The following APOL2 variants were observed in gnomAD, a reference collection of about 807,000 sequenced individuals.
APOL2 encodes apolipoprotein L2.
APOL2 carries 8 observed loss-of-function variants against 7.1 expected under a neutral mutation model. The ratio of observed to expected loss-of-function variants is 1.12; its 90% CI spans 0.66 to 2.03. APOL2 has a LOEUF of 2.03. APOL2 is among the 30% of genes most tolerant of loss of function. The probability of loss-of-function intolerance (pLI) is 0.00; values close to 1 mark genes in which losing one functional copy is unlikely to be tolerated. For missense variants in APOL2, 471 were observed against 415.1 expected (o/e 1.13, Z -1.17); for synonymous variants, 177 against 159.9 (o/e 1.11, Z -0.81).
At position 36,228,373 on chromosome 22, in the gene APOL2, C is replaced by A. The variant is rs10854687; in HGVS notation, c.138-93G>T. On this transcript the variant is annotated intron_variant, in intron 4 of 4. Coordinates refer to ENST00000358502, the MANE Select transcript of APOL2 (RefSeq NM_030882.4). ...TCTCTATCCTGTGTAAATTGCAGAGCTTTCACTATCAATCAAATAGAAACA... is the reference window on the plus strand; with the variant it reads ...TCTCTATCCTGTGTAAATTGCAGAGATTTCACTATCAATCAAATAGAAACA... 22,851 of 1,466,752 alleles carry A rather than the reference C, an allele frequency of 0.016. 3,322 individuals are homozygous for A. In the African/African-American group the frequency reaches 0.3, roughly 19 times the overall value. 90.9% of individuals were successfully genotyped at this position (1,466,752 alleles called of 1,614,324 possible).
chr22:36,226,667 G>GGT lies in APOL2; in HGVS notation c.*736_*737insAC, dbSNP rs749293221. The stretch of plus-strand genomic sequence containing the variant: ...TCTTGGAAGGACATCAAACCTGGGG[G>GGT]GGGGTCGGTAGTGGAGCTGCTGTTT... On this transcript the variant is annotated 3_prime_UTR_variant, in exon 5 of 5. Transcript: ENST00000358502. The GGT allele has an allele frequency of 3.9e-5, 6 of 152,014 alleles. 1 individual carries two copies. 9.4% of individuals were successfully genotyped at this position (152,014 alleles called of 1,614,324 possible).
chr22:36,235,805 T>G lies in APOL2; in HGVS notation c.-133-2350A>C, dbSNP rs374832391. 1.2e-4 allele frequency among the ~76,000 whole-genome samples: 18 copies of G among 146,980 alleles called. No individual in the cohort carries two copies. In the East Asian group the frequency reaches 3.2e-3, roughly 26 times the overall value. On this transcript the variant is annotated intron_variant, in intron 1 of 4. Coordinates refer to ENST00000358502, the MANE Select transcript of APOL2 (RefSeq NM_030882.4). ...TGTGTGTGTATGTGTTGTGCATCCA[T>G]GGAGGGCAGGTGGGGATAACCAAGA...
intron 1 of APOL2, chr22:36,237,441 C>A: frequency 9.1e-7 from 1 of 1,098,702 alleles, no homozygotes. Flanking sequence ...AACTGTCTTG[C>A]TCTGTCACCC....
At chr22:36,239,641 C>A, upstream of APOL2, 1 of 751,470 alleles carries the variant, frequency 1.3e-6, no homozygotes, top group Non-Finnish European at 2.2e-6. Flanking sequence ...TGCTCCCCAG[C>A]ACCACCTGCA....
At chr22:36,233,574 C>T (rs1015711769) in intron 1 of APOL2, 119 bp from the exon 2 acceptor site, 3 of 922,432 alleles carry the variant, frequency 3.3e-6, no homozygotes, top group Non-Finnish European at 5.0e-6. Context: ...ATGACCTGGG[C>T]CTGGGAACAT....
intron 4 of APOL2, among the ~76,000 whole-genome samples, chr22:36,229,541 T>C (rs2015145215): frequency 6.6e-6 from 1 of 152,224 alleles, no homozygotes; most frequent in Non-Finnish European, 1.5e-5. Context: ...CCTCCCAGAC[T>C]CTGCCCTGTG....
At chr22:36,233,662 G>A (rs148551437) in intron 1 of APOL2, among the ~76,000 whole-genome samples, 65 of 152,262 alleles carry the variant, frequency 4.3e-4, no homozygotes, top group African/African-American at 1.5e-3. Flanking sequence ...TATCTCATTC[G>A]ATGATCACAC....
chr22:36,229,810 A>G (rs1331926963), intron 4 of APOL2, among the ~76,000 whole-genome samples: 1 of 152,262 alleles, frequency 6.6e-6, no homozygotes, highest in Non-Finnish European at 1.5e-5. Context: ...TTTGCCTGGC[A>G]TCTGCTCCCT....
Position 36,228,187 on chromosome 22 carries a change from G to A in APOL2, c.231C>T (p.His77=), listed in dbSNP as rs752517869. Residue 77 remains histidine (H), a synonymous_variant, in exon 5 of 5, where the codon CAC becomes CAT. Coordinates refer to ENST00000358502, the MANE Select transcript of APOL2 (RefSeq NM_030882.4). ...DKNRHDKDQQ[H]RQWFLKEFPR... is the part of the protein sequence containing the mutation. ...GAAACTCTTTCAAAAACCACTGCCT[G>A]TGCTGCTGGTCTTTATCGTGGCGGT... is the stretch of plus-strand genomic sequence containing the variant. 2.5e-6 allele frequency: 4 copies of A among 1,614,206 alleles called. No homozygotes were observed. Among genetic ancestry groups the A allele is most frequent in the Non-Finnish European group, 1.7e-6 (2 of 1,180,028 alleles).
rs56009920 is a variant in APOL2, at chr22:36,227,315, C to CAAA, written c.*86_*88dup. On this transcript the variant is annotated 3_prime_UTR_variant, in exon 5 of 5. Coordinates refer to ENST00000358502, the MANE Select transcript of APOL2 (RefSeq NM_030882.4). Reference sequence around the variant, plus strand: ...TGGGCGATAGAGCGAGACTCCATCTCAAAAAAAAAAAAAAAAAAAAAAAAA... The same window carrying CAAA: ...TGGGCGATAGAGCGAGACTCCATCTCAAAAAAAAAAAAAAAAAAAAAAAAAAAA... 221 of 960,856 alleles carry CAAA rather than the reference C, an allele frequency of 2.3e-4. No individual in the cohort carries two copies. Among genetic ancestry groups the CAAA allele is most frequent in the South Asian group, 4.4e-4 (23 of 51,942 alleles). 59.5% of individuals were successfully genotyped at this position (960,856 alleles called of 1,614,324 possible).
chr22:36,230,108 A>G (rs1003563445), intron 4 of APOL2, among the ~76,000 whole-genome samples: 10 of 152,252 alleles, frequency 6.6e-5, no homozygotes, highest in African/African-American at 2.4e-4. Context: ...AGAACCATCT[A>G]TATAAATTGC....
chr22:36,239,923 T>G, upstream of APOL2: 1 of 189,690 alleles, frequency 5.3e-6, no homozygotes, highest in Non-Finnish European at 1.1e-5. Context: ...CTCAGTGCAA[T>G]TCCAGGCTCT....
chr22:36,236,581 T>G, intron 1 of APOL2: 1 of 985,366 alleles, frequency 1.0e-6, no homozygotes, highest in African/African-American at 1.7e-5. Context: ...AAAATCACCA[T>G]TGTTCTTTTC....
At chr22:36,229,159 T>C (rs970694606) in intron 4 of APOL2, among the ~76,000 whole-genome samples, 1 of 152,226 alleles carries the variant, frequency 6.6e-6, no homozygotes, top group African/African-American at 2.4e-5. Context: ...CCGTTTGTTA[T>C]CTGATCATGC....
At chr22:36,237,947 C>T (rs561120625) in intron 1 of APOL2, among the ~76,000 whole-genome samples, 1 of 152,240 alleles carries the variant, frequency 6.6e-6, no homozygotes, top group South Asian at 2.1e-4. Context: ...TGGAATGTCC[C>T]CCCCACTGTC....
intron 4 of APOL2, among the ~76,000 whole-genome samples, 186 bp from the exon 5 acceptor site, chr22:36,228,466 G>C (rs1228512110): frequency 1.3e-5 from 2 of 152,208 alleles, no homozygotes; most frequent in Non-Finnish European, 2.9e-5. Flanking sequence ...ATATTCCTCA[G>C]TACTTATTCC....
chr22:36,228,613 C>A (rs1255936221), intron 4 of APOL2, among the ~76,000 whole-genome samples: 1 of 152,128 alleles, frequency 6.6e-6, no homozygotes, highest in African/African-American at 2.4e-5. Flanking sequence ...TGCAGATGAA[C>A]AAAGAGCAGT....
intron 1 of APOL2, among the ~76,000 whole-genome samples, chr22:36,237,727 A>G (rs2015458024): frequency 6.6e-6 from 1 of 152,146 alleles, no homozygotes; most frequent in African/African-American, 2.4e-5. Context: ...AGGAATCTTC[A>G]GTGAAAAGCC....
At chr22:36,239,119 G>T in intron 1 of APOL2, 2 of 1,183,054 alleles carry the variant, frequency 1.7e-6, no homozygotes, top group Non-Finnish European at 1.1e-6. Context: ...AAAGAGATGG[G>T]CACCCCCAAC....
Sources: gnomAD v4.1 joint callset for allele counts (sites outside exome capture counted in the v4.1 genomes callset) on GRCh38, gnomAD v4.1.1 for gene constraint, MANE v1.5 for transcripts, NCBI Gene and HGNC (gene_info 2026-07-23, HGNC 2026-07-21) for gene names.